MLPH: variants seen among roughly 807,000 people sequenced by gnomAD.
MLPH encodes the protein exophilin-3.
MLPH carries 51 observed loss-of-function variants against 72.1 expected under a neutral mutation model. That is an observed-to-expected ratio of 0.71 (90% CI 0.56 to 0.89). The LOEUF (loss-of-function observed/expected upper bound fraction) is 0.89. Ranked by LOEUF, MLPH falls within the 40% of genes least tolerant of loss-of-function variation. MLPH has a pLI of 0.00. For missense variants in MLPH, 743 were observed against 759.9 expected, an observed-to-expected ratio of 0.98 and a Z score of 0.26; for synonymous variants, 301 against 310.1, an observed-to-expected ratio of 0.97 and a Z score of 0.31.
Position 237,552,380 on chromosome 2 carries a change from C to T in MLPH, c.1719C>T (p.Gly573=). Residue 573 remains glycine (G), a synonymous_variant, in exon 15 of 16, where the codon GGC becomes GGT. Coordinates refer to ENST00000264605, the MANE Select transcript of MLPH (RefSeq NM_024101.7). ...TTGATCGGAAATCAGTGTACCGAGG[C>T]TCGCTGACACAGAGAAACCCCAACG... ...DSFDRKSVYR[G]SLTQRNPNAR... is the part of the protein sequence containing the mutation. 1 of 1,614,096 alleles carries T rather than the reference C, an allele frequency of 6.2e-7. No homozygotes were observed. Among genetic ancestry groups the T allele is most frequent in the Non-Finnish European group, 8.5e-7 (1 of 1,180,016 alleles).
At chr2:237,511,217 C>A in intron 4 of MLPH, 116 bp downstream of exon 4, 1 of 805,524 alleles carries the variant, frequency 1.2e-6, no homozygotes, top group Non-Finnish European at 2.2e-6. Context: ...TGTGTGTGTG[C>A]ACATGTGTGT....
In MLPH at chr2:237,553,628, G is replaced by C. The variant is rs1234069745; in HGVS notation, c.*36G>C. On this transcript the variant is annotated 3_prime_UTR_variant, in exon 16 of 16. Transcript: ENST00000264605. ...CAGAGAGACAGAGCAGCCCTGCACT[G>C]TTTTCCCTCCACCACAGCCATCCTG... 1.1e-5 allele frequency: 18 copies of C among 1,614,086 alleles called. No homozygotes were observed. In the Admixed American group the frequency reaches 2.8e-4, roughly 25 times the overall value.
Position 237,520,157 on chromosome 2 carries a change from A to G in MLPH, c.675+128A>G, listed in dbSNP as rs972030359. 8.0e-6 allele frequency: 10 copies of G among 1,247,424 alleles called. No homozygotes were observed. In the African/African-American group the frequency reaches 1.5e-4, roughly 18 times the overall value. 77.3% of individuals were successfully genotyped at this position (1,247,424 alleles called of 1,614,324 possible). ...GCCACACAGTCCCACCTGGCTCCCAAGGCATGACAGGGAAGGGGACCGATG... is the reference window on the plus strand; with the variant it reads ...GCCACACAGTCCCACCTGGCTCCCAGGGCATGACAGGGAAGGGGACCGATG... On this transcript the variant is annotated intron_variant, in intron 6 of 15. Coordinates refer to ENST00000264605, the MANE Select transcript of MLPH (RefSeq NM_024101.7).
intron 2 of MLPH, chr2:237,509,967 A>T (rs1233492734): frequency 6.4e-6 from 1 of 155,720 alleles, no homozygotes; most frequent in Non-Finnish European, 1.4e-5. Context: ...GAACAAAAGA[A>T]ATGTGTTCAT....
chr2:237,532,501 T>C (rs962987429), intron 8 of MLPH, among the ~76,000 whole-genome samples: 2 of 152,220 alleles, frequency 1.3e-5, no homozygotes, highest in African/African-American at 2.4e-5. Context: ...CTGGGGCCAT[T>C]CGTGTGTGCT....
chr2:237,519,543 G>C (rs10184904), intron 5 of MLPH, among the ~76,000 whole-genome samples: 63,006 of 152,132 alleles, frequency 0.41, 16,709 homozygotes, highest in African/African-American at 0.76. Context: ...ATCGTGCCCC[G>C]GCTATCCGAA....
At chr2:237,553,495 C>T (rs2081077348) in intron 15 of MLPH, 71 bp from the exon 16 acceptor site, 1 of 1,406,756 alleles carries the variant, frequency 7.1e-7, no homozygotes. Flanking sequence ...TATGTGCATG[C>T]CCATGTGTGT....
At chr2:237,532,915 G>A (rs992560759) in intron 8 of MLPH, among the ~76,000 whole-genome samples, 3 of 152,168 alleles carry the variant, frequency 2.0e-5, no homozygotes, top group Admixed American at 6.5e-5. Flanking sequence ...CAGGCAATCC[G>A]CTGAGAGATT....
intron 13 of MLPH, among the ~76,000 whole-genome samples, chr2:237,548,765 G>GCT (rs2080971209): frequency 1.3e-5 from 2 of 152,346 alleles, no homozygotes; most frequent in South Asian, 4.1e-4. Context: ...TGTAGGCCCA[G>GCT]CTACTCAGGA....
At chr2:237,528,496 G>A (rs1357633912) in intron 8 of MLPH, among the ~76,000 whole-genome samples, 14 of 151,864 alleles carry the variant, frequency 9.2e-5, no homozygotes, top group Admixed American at 3.3e-4. Flanking sequence ...GAATACAGGC[G>A]TGCACCACCA....
intron 9 of MLPH, among the ~76,000 whole-genome samples, chr2:237,538,543 CT>C (rs1467845566): frequency 2.6e-5 from 4 of 152,214 alleles, no homozygotes; most frequent in Non-Finnish European, 5.9e-5. Flanking sequence ...GGCGGCGTCG[CT>C]GTCCGACGTG....
intron 8 of MLPH, among the ~76,000 whole-genome samples, chr2:237,532,801 C>A (rs189793792): frequency 1.3e-5 from 2 of 152,312 alleles, no homozygotes; most frequent in Admixed American, 6.5e-5. Context: ...TTTAGAAAAA[C>A]CCGAAATCTT....
chr2:237,554,138 G>A lies in MLPH; in HGVS notation c.*546G>A. The A allele has an allele frequency of 3.9e-6, 1 of 257,692 alleles. No individual in the cohort carries two copies. The highest frequency in any genetic ancestry group is 7.6e-6 in the Non-Finnish European group (1 of 130,842). 16.0% of individuals were successfully genotyped at this position (257,692 alleles called of 1,614,324 possible). A position where few individuals can be genotyped will look rare whatever the true frequency, so the allele number is the denominator to read the frequency against. ...TAATGAAGGAGGAATAGACACCCCA[G>A]TCCCCACCCTACGTGCACCCGCTCT... On this transcript the variant is annotated 3_prime_UTR_variant, in exon 16 of 16. Transcript: ENST00000264605.
chr2:237,490,259 G>T (rs1327651375), intron 1 of MLPH, among the ~76,000 whole-genome samples: 2 of 152,042 alleles, frequency 1.3e-5, no homozygotes, highest in African/African-American at 4.8e-5. Flanking sequence ...GCCCATGGAG[G>T]TCGAGGCAGC....
chr2:237,519,090 T>A (rs1260610858), intron 5 of MLPH, among the ~76,000 whole-genome samples: 1 of 151,418 alleles, frequency 6.6e-6, no homozygotes, highest in African/African-American at 2.5e-5. Context: ...TTTGTTTGTT[T>A]TTTTTTGCCA....
chr2:237,487,196 G>A (rs916703467), upstream of MLPH: 1 of 152,252 alleles, frequency 6.6e-6, no homozygotes, highest in African/African-American at 2.4e-5. Flanking sequence ...TCCCGGAGCT[G>A]GGCGGAGCGG....
At chr2:237,518,260 T>G (rs141197209) in intron 4 of MLPH, 97 of 531,728 alleles carry the variant, frequency 1.8e-4, no homozygotes, top group African/African-American at 1.4e-3. Context: ...GATTGATGCA[T>G]GGATGGATGG....
intron 8 of MLPH, among the ~76,000 whole-genome samples, chr2:237,529,752 C>T (rs11889660): frequency 0.13 from 20,212 of 152,212 alleles, 1,488 homozygotes; most frequent in African/African-American, 0.16. Flanking sequence ...AGACCGGAAC[C>T]GCAGTTTCAC....
intron 2 of MLPH, among the ~76,000 whole-genome samples, chr2:237,501,059 A>C: frequency 2.0e-5 from 3 of 149,816 alleles, no homozygotes; most frequent in African/African-American, 4.9e-5. Context: ...CGCCCTCCTC[A>C]CCCCTGCTCA....
Sources: allele counts gnomAD v4.1 joint callset (sites outside exome capture counted in the v4.1 genomes callset), GRCh38; gene constraint gnomAD v4.1.1; transcripts MANE v1.5; gene names NCBI Gene and HGNC (gene_info 2026-07-23, HGNC 2026-07-21).